LCMT1: variants seen among roughly 807,000 people sequenced by gnomAD.
LCMT1 encodes the protein [Phosphatase 2A protein]-leucine-carboxy methyltransferase 1.
In LCMT1, 32 loss-of-function variants were observed where a neutral mutation model predicts 47.7. The ratio of observed to expected loss-of-function variants is 0.67; its 90% CI spans 0.51 to 0.90. The LOEUF (loss-of-function observed/expected upper bound fraction) is 0.90, where lower values mean the gene tolerates loss of function less well. LCMT1 is among the 40% of genes least tolerant of loss of function. The pLI is 0.00. For missense variants in LCMT1, 375 were observed against 415.2 expected (o/e 0.90, Z 0.84); for synonymous variants, 152 against 149.7 (o/e 1.02, Z -0.11).
intron 5 of LCMT1, among the ~76,000 whole-genome samples, chr16:25,156,895 C>A (rs1961273049): frequency 6.6e-6 from 1 of 151,486 alleles, no homozygotes; most frequent in Non-Finnish European, 1.5e-5. Context: ...ACAAACTAAT[C>A]CTCTGTACAG....
chr16:25,166,377 C>T (rs566331186), intron 7 of LCMT1, among the ~76,000 whole-genome samples: 1 of 151,334 alleles, frequency 6.6e-6, no homozygotes, highest in East Asian at 1.9e-4. Context: ...GATACATGCT[C>T]ACTATTTTTA....
intron 10 of LCMT1, among the ~76,000 whole-genome samples, chr16:25,177,607 G>A (rs1002793882): frequency 6.6e-6 from 1 of 152,118 alleles, no homozygotes; most frequent in Non-Finnish European, 1.5e-5. Context: ...TTCTCACAAA[G>A]GAACAATATA....
At chr16:25,152,521 T>C (rs1961114297) in intron 5 of LCMT1, among the ~76,000 whole-genome samples, 1 of 152,230 alleles carries the variant, frequency 6.6e-6, no homozygotes, top group Non-Finnish European at 1.5e-5. Context: ...TAGATGTCCT[T>C]AGGTCTCTAA....
intron 1 of LCMT1, among the ~76,000 whole-genome samples, chr16:25,112,818 A>T (rs1440449750): frequency 1.3e-5 from 2 of 152,250 alleles, no homozygotes; most frequent in Middle Eastern, 3.4e-3. Context: ...CGGCAGTGCC[A>T]TTAGAGTTTG....
intron 4 of LCMT1, chr16:25,148,035 T>G (rs1960923654): frequency 6.6e-6 from 1 of 152,142 alleles, no homozygotes; most frequent in South Asian, 2.1e-4. Context: ...CTTGTCTTAT[T>G]AAAGGACCAG....
chr16:25,177,756 C>T (rs944786177), intron 10 of LCMT1, among the ~76,000 whole-genome samples: 15 of 152,150 alleles, frequency 9.9e-5, no homozygotes, highest in Admixed American at 5.9e-4. Context: ...AGATTTTTGG[C>T]GTTAACTGCA....
At chr16:25,156,245 A>G (rs960273521) in intron 5 of LCMT1, among the ~76,000 whole-genome samples, 3 of 151,994 alleles carry the variant, frequency 2.0e-5, no homozygotes, top group Non-Finnish European at 4.4e-5. Flanking sequence ...TCCTTGATAT[A>G]TTCTTGATTA....
intron 1 of LCMT1, among the ~76,000 whole-genome samples, chr16:25,117,837 G>A (rs1394726658): frequency 1.3e-5 from 2 of 149,420 alleles, no homozygotes; most frequent in African/African-American, 2.5e-5. Context: ...GGGCGACAGA[G>A]AGAGACTCCG....
At chr16:25,149,785 C>T (rs1265128800) in intron 4 of LCMT1, among the ~76,000 whole-genome samples, 1 of 151,696 alleles carries the variant, frequency 6.6e-6, no homozygotes, top group Non-Finnish European at 1.5e-5. Flanking sequence ...ATGTTGGGTG[C>T]ATCTATAGTC....
chr16:25,133,955 C>T (rs1597572841), intron 3 of LCMT1, among the ~76,000 whole-genome samples: 1 of 151,304 alleles, frequency 6.6e-6, no homozygotes, highest in Non-Finnish European at 1.5e-5. Context: ...TTGCTTGAAC[C>T]CAGGAGATTG....
rs73561384 is a variant in LCMT1 at position 25,116,109 on chromosome 16, T to C, written c.113+4113T>C. ...TGTTGCAAGGAGGGAAGACTCACAC[T>C]ATGAGGAGCTGTGGGGCACATCAGT... On this transcript the variant is annotated intron_variant, in intron 1 of 10. Transcript: ENST00000399069. Among the ~76,000 whole-genome samples the C allele has an allele frequency of 8.7e-3, 1,320 of 152,326 alleles. 26 individuals carry two copies. Among genetic ancestry groups the C allele is most frequent in the African/African-American group, 0.03 (1,266 of 41,564 alleles).
At chr16:25,138,303 C>G (rs193014669) in intron 3 of LCMT1, among the ~76,000 whole-genome samples, 1 of 151,978 alleles carries the variant, frequency 6.6e-6, no homozygotes, top group Non-Finnish European at 1.5e-5. Flanking sequence ...TTTGAGACAC[C>G]AGAGGGGGTG....
At chr16:25,123,600 C>CTTTTTTTTTTTTTTT in intron 1 of LCMT1, among the ~76,000 whole-genome samples, 1 of 63,486 alleles carries the variant, frequency 1.6e-5, no homozygotes, top group Non-Finnish European at 2.7e-5. Context: ...AAATTGCTTT[C>CTTTTTTTTTTTTTTT]TTTTTTTTTT....
At chr16:25,147,344 AC>A (rs1390545613) in intron 4 of LCMT1, 1 of 152,192 alleles carries the variant, frequency 6.6e-6, no homozygotes, top group East Asian at 1.9e-4. Flanking sequence ...GCTGTTGGGG[AC>A]AGCACAGGGG....
At chr16:25,160,894 A>G (rs2141697352) in intron 5 of LCMT1, 3 of 641,596 alleles carry the variant, frequency 4.7e-6, no homozygotes, top group Middle Eastern at 2.5e-4. Context: ...ACTTAAGCAC[A>G]TAGGACAAAA....
At chr16:25,151,696 GGTGTGTGTGT>G (rs139504024) in intron 5 of LCMT1, 81 bp downstream of exon 5, 3 of 601,942 alleles carry the variant, frequency 5.0e-6, no homozygotes, top group African/African-American at 1.9e-5. Flanking sequence ...GTTTGTGTTG[GGTGTGTGTGT>G]GTGTGTGTGT....
intron 4 of LCMT1, chr16:25,144,857 C>G (rs1017868303): frequency 2.6e-5 from 4 of 152,194 alleles, no homozygotes; most frequent in African/African-American, 9.7e-5. Flanking sequence ...AGTTAAGACT[C>G]CCAAAGCTAT....
chr16:25,165,555 T>C lies in LCMT1; in HGVS notation c.690+837T>C, dbSNP rs371900206. On this transcript the variant is annotated intron_variant, in intron 7 of 10. Transcript: ENST00000399069. Reference sequence around the variant, plus strand: ...TTTTTAAGCCAGAGTTTCACTCTTATTGCCCAGGCTGGAGTGCAACAGCAC... The same window carrying C: ...TTTTTAAGCCAGAGTTTCACTCTTACTGCCCAGGCTGGAGTGCAACAGCAC... 7.2e-5 allele frequency among the ~76,000 whole-genome samples: 11 copies of C among 152,036 alleles called. No individual in the cohort carries two copies. The East Asian group carries it at 1.6e-3, about 21-fold the overall frequency.
chr16:25,150,824 A>C (rs539413261), intron 4 of LCMT1, among the ~76,000 whole-genome samples: 11 of 152,280 alleles, frequency 7.2e-5, no homozygotes, highest in Non-Finnish European at 4.4e-5. Flanking sequence ...TTTTTTCTAG[A>C]TCCATGAAAA....
Sources: allele counts gnomAD v4.1 joint callset (sites outside exome capture counted in the v4.1 genomes callset), GRCh38; gene constraint gnomAD v4.1.1; transcripts MANE v1.5; gene names NCBI Gene and HGNC (gene_info 2026-07-23, HGNC 2026-07-21).